DTNBP1: variants seen among roughly 807,000 people sequenced by gnomAD.
The protein encoded by DTNBP1 is dystrobrevin binding protein 1.
A neutral mutation model predicts 42.8 loss-of-function variants in DTNBP1; 35 were observed. That is an observed-to-expected ratio of 0.82 (90% CI 0.63 to 1.09). The LOEUF (loss-of-function observed/expected upper bound fraction) is 1.09. Ranked by LOEUF, DTNBP1 falls within the 50% of genes least tolerant of loss-of-function variation. The pLI, the probability that DTNBP1 is intolerant of heterozygous loss-of-function variation, is 0.00. For missense variants in DTNBP1, 457 were observed against 424.2 expected (o/e 1.08, Z -0.68); for synonymous variants, 171 against 162.2 (o/e 1.05, Z -0.41).
At chr6:15,601,451 G>A (rs1445818591) in intron 6 of DTNBP1, among the ~76,000 whole-genome samples, 8 of 152,198 alleles carry the variant, frequency 5.3e-5, no homozygotes, top group Non-Finnish European at 1.0e-4. Flanking sequence ...CCCATGTACA[G>A]CAAAAATATT....
intron 1 of DTNBP1, among the ~76,000 whole-genome samples, chr6:15,657,996 A>T (rs1043535509): frequency 6.6e-6 from 1 of 152,156 alleles, no homozygotes; most frequent in East Asian, 1.9e-4. Context: ...TCGGACTCAC[A>T]TACCACACTA....
intron 1 of DTNBP1, among the ~76,000 whole-genome samples, chr6:15,660,200 T>C (rs1274200901): frequency 2.0e-5 from 3 of 152,252 alleles, no homozygotes; most frequent in African/African-American, 7.2e-5. Flanking sequence ...TTTTTAGTGA[T>C]GCAGCTCACG....
chr6:15,523,145 G>C lies in DTNBP1; in HGVS notation c.886C>G (p.Pro296Ala), dbSNP rs74907982. 6.2e-7 allele frequency: 1 copy of C among 1,614,228 alleles called. No individual in the cohort carries two copies. The highest frequency in any genetic ancestry group is 1.7e-5 in the Admixed American group (1 of 60,036). ...PNPSELRAKP[P>A]SSSSTCTDSA... ...TCGGTGCAGGTGGAGGAAGAAGAAG[G>C]TGGCTTGGCTCTTAATTCTGAGGGA... The change falls in exon 10 of 10, where the codon CCT (proline) becomes GCT (alanine). Residue 296 changes from proline to alanine, a missense_variant. Transcript: ENST00000344537.
intron 7 of DTNBP1, among the ~76,000 whole-genome samples, chr6:15,561,354 G>C (rs921775787): frequency 6.6e-6 from 1 of 152,198 alleles, no homozygotes; most frequent in African/African-American, 2.4e-5. Flanking sequence ...TACTCTTGTG[G>C]AATATACTGT....
intron 6 of DTNBP1, among the ~76,000 whole-genome samples, chr6:15,601,617 A>G (rs1776730720): frequency 6.6e-6 from 1 of 151,946 alleles, no homozygotes. Flanking sequence ...GCCGAGGCAG[A>G]TGGATCACCT....
chr6:15,532,529 C>T (rs867032533), intron 8 of DTNBP1, among the ~76,000 whole-genome samples: 3 of 152,064 alleles, frequency 2.0e-5, no homozygotes, highest in East Asian at 1.9e-4. Flanking sequence ...TATATATGTA[C>T]GGTCCAGTCA....
At position 15,661,438 on chromosome 6, in the gene DTNBP1, T is replaced by C. The variant is rs543149565; in HGVS notation, c.56+1376A>G. Among the ~76,000 whole-genome samples, 5 of 151,954 alleles carry C rather than the reference T, an allele frequency of 3.3e-5. No individual in the cohort carries two copies. In the South Asian group the frequency reaches 8.3e-4, roughly 25 times the overall value. The stretch of plus-strand genomic sequence containing the variant: ...ACTTTGGGAGGCCAAGGCGGGAGGA[T>C]CACAAGGTCAGGAGTTCGAGACCAG... On this transcript the variant is annotated intron_variant, in intron 1 of 9. Coordinates refer to ENST00000344537, the MANE Select transcript of DTNBP1 (RefSeq NM_032122.5).
At chr6:15,523,954 G>C in intron 9 of DTNBP1, 1 of 1,287,430 alleles carries the variant, frequency 7.8e-7, no homozygotes, top group Non-Finnish European at 1.0e-6. Flanking sequence ...CCAAAGAACT[G>C]GTCTGAAATT....
chr6:15,581,082 C>T (rs1775807562), intron 7 of DTNBP1, among the ~76,000 whole-genome samples: 1 of 152,208 alleles, frequency 6.6e-6, no homozygotes. Context: ...CATAAACGGA[C>T]TCTACATGGG....
chr6:15,625,164 C>G (rs188510380), intron 5 of DTNBP1, among the ~76,000 whole-genome samples: 3 of 152,172 alleles, frequency 2.0e-5, no homozygotes, highest in Admixed American at 2.0e-4. Flanking sequence ...TTATAAATAT[C>G]AGGCAAATAA....
At chr6:15,581,202 C>T (rs1374748163) in intron 7 of DTNBP1, among the ~76,000 whole-genome samples, 3 of 152,098 alleles carry the variant, frequency 2.0e-5, no homozygotes, top group African/African-American at 7.2e-5. Flanking sequence ...TTTTTTTAGA[C>T]GGAGTCTCAC....
At position 15,585,749 on chromosome 6, in the gene DTNBP1, C is replaced by T. The variant is rs1449791721; in HGVS notation, c.511+7310G>A. 8.5e-6 allele frequency: 13 copies of T among 1,534,962 alleles called. No homozygotes were observed. The Admixed American group carries it at 9.8e-5, about 12-fold the overall frequency. On this transcript the variant is annotated intron_variant, in intron 7 of 9. Coordinates refer to ENST00000344537, the MANE Select transcript of DTNBP1 (RefSeq NM_032122.5). ...TCCCTCTGACTATTTTCGGTGAGTCCTGGAGATGACATGGATGTGAGACCT... is the reference window on the plus strand; with the variant it reads ...TCCCTCTGACTATTTTCGGTGAGTCTTGGAGATGACATGGATGTGAGACCT...
In DTNBP1 at chr6:15,537,900, C is replaced by T. The variant is rs143428707; in HGVS notation, c.512-4505G>A. Among the ~76,000 whole-genome samples the T allele has an allele frequency of 4.3e-3, 658 of 152,326 alleles. 6 individuals carry two copies. The highest frequency in any genetic ancestry group is 0.015 in the African/African-American group (626 of 41,572). ...ATAGCTGTGTGAAAATGGACTCATA[C>T]AGCATGTACAGAGAATACAAAAAAT... On this transcript the variant is annotated intron_variant, in intron 7 of 9. Transcript: ENST00000344537.
intron 1 of DTNBP1, among the ~76,000 whole-genome samples, chr6:15,652,479 G>A (rs1454487395): frequency 1.3e-5 from 2 of 151,376 alleles, no homozygotes; most frequent in East Asian, 1.9e-4. Context: ...ACCCCACCCA[G>A]CCCAGAGATT....
chr6:15,614,302 T>C (rs549386376), intron 6 of DTNBP1, among the ~76,000 whole-genome samples: 1 of 151,902 alleles, frequency 6.6e-6, no homozygotes, highest in East Asian at 1.9e-4. Flanking sequence ...CCACTCCTGT[T>C]ATTGTCACAT....
In DTNBP1 at chr6:15,632,728, C is replaced by T. The variant is rs140128519; in HGVS notation, c.222+5016G>A. Reference sequence around the variant, plus strand: ...TATGAAATGTATTTTCTGCATCTGACGATCATTTTCACTTTTAATACTTAA... The same window carrying T: ...TATGAAATGTATTTTCTGCATCTGATGATCATTTTCACTTTTAATACTTAA... On this transcript the variant is annotated intron_variant, in intron 4 of 9. Transcript: ENST00000344537. Among the ~76,000 whole-genome samples the T allele has an allele frequency of 3.9e-3, 594 of 152,234 alleles. 3 individuals are homozygous for T. The highest frequency in any genetic ancestry group is 0.016 in the South Asian group (78 of 4,826).
intron 3 of DTNBP1, among the ~76,000 whole-genome samples, chr6:15,645,179 G>T (rs1200276550): frequency 6.6e-6 from 1 of 151,798 alleles, no homozygotes; most frequent in East Asian, 1.9e-4. Context: ...AGAAGACCTA[G>T]AGGAAATGGA....
intron 7 of DTNBP1, among the ~76,000 whole-genome samples, chr6:15,559,477 C>T (rs1252508123): frequency 1.3e-5 from 2 of 152,124 alleles, no homozygotes; most frequent in African/African-American, 4.8e-5. Context: ...TATGCAACAA[C>T]CGGTGACAAC....
chr6:15,597,105 T>C (rs1776545448), intron 6 of DTNBP1, among the ~76,000 whole-genome samples: 4 of 152,334 alleles, frequency 2.6e-5, no homozygotes, highest in East Asian at 1.9e-4. Context: ...ATGTTAGGAA[T>C]AGCATTAGGA....
Sources: gnomAD v4.1 joint callset for allele counts (sites outside exome capture counted in the v4.1 genomes callset) on GRCh38, gnomAD v4.1.1 for gene constraint, MANE v1.5 for transcripts, NCBI Gene and HGNC (gene_info 2026-07-23, HGNC 2026-07-21) for gene names.